The following MARCHF8 variants were observed in gnomAD, a reference collection of about 807,000 sequenced individuals.
MARCHF8 encodes membrane associated ring-CH-type finger 8, also known as E3 ubiquitin-protein ligase MARCHF8.
MARCHF8 carries 40 observed loss-of-function variants against 51.6 expected under a neutral mutation model. That is an observed-to-expected ratio of 0.77 (90% CI 0.60 to 1.01). MARCHF8 has a LOEUF of 1.01. Among genes scored for constraint, MARCHF8 ranks in the 50% least tolerant of loss-of-function variants. MARCHF8 has a pLI of 0.00. For missense variants in MARCHF8, 685 were observed against 708.6 expected (o/e 0.97, Z 0.38); for synonymous variants, 263 against 280.3 (o/e 0.94, Z 0.62).
chr10:45,480,406 G>C (rs761669449), intron 3 of MARCHF8, among the ~76,000 whole-genome samples: 2 of 152,114 alleles, frequency 1.3e-5, no homozygotes, highest in Non-Finnish European at 2.9e-5. Flanking sequence ...CTCAATGGGG[G>C]AAAATGTCTC....
intron 3 of MARCHF8, among the ~76,000 whole-genome samples, chr10:45,481,994 A>C (rs1176879642): frequency 6.6e-6 from 1 of 152,232 alleles, no homozygotes; most frequent in Non-Finnish European, 1.5e-5. Context: ...TAAACATACA[A>C]AAGTTGATAG....
chr10:45,512,683 G>A (rs1023394236), intron 2 of MARCHF8, among the ~76,000 whole-genome samples: 4 of 152,078 alleles, frequency 2.6e-5, no homozygotes, highest in African/African-American at 4.8e-5. Context: ...ACTGGGATGT[G>A]AGGAGCCCCT....
In MARCHF8 at chr10:45,463,557, C is replaced by A; in HGVS notation, c.682G>T (p.Ala228Ser). 1 of 1,550,654 alleles carries A rather than the reference C, an allele frequency of 6.4e-7. No homozygotes were observed. The change falls in exon 5 of 8, where the codon GCC (alanine) becomes TCC (serine). Residue 228 changes from alanine (A) to serine (S), a missense_variant. Coordinates refer to ENST00000453424, the MANE Select transcript of MARCHF8 (RefSeq NM_001282866.2). ...CCCTTGCCAGCTTCCACCTCTGAGG[C>A]AGTTGAGCGACCGGCAGAAAGGCAT... ...VSCLSAGRST[A>S]SEVEAGKGGR...
intron 2 of MARCHF8, among the ~76,000 whole-genome samples, chr10:45,505,598 G>A (rs1475337398): frequency 2.0e-5 from 3 of 152,162 alleles, no homozygotes; most frequent in Non-Finnish European, 4.4e-5. Context: ...AACATTAATT[G>A]CTTTAGGCCA....
chr10:45,506,613 T>G (rs2043390653), intron 2 of MARCHF8, among the ~76,000 whole-genome samples: 1 of 152,230 alleles, frequency 6.6e-6, no homozygotes, highest in Non-Finnish European at 1.5e-5. Flanking sequence ...CTGATCTCAT[T>G]TCTAAGTAAG....
At chr10:45,556,501 C>T (rs945882534) in intron 1 of MARCHF8, among the ~76,000 whole-genome samples, 14 of 152,310 alleles carry the variant, frequency 9.2e-5, no homozygotes, top group African/African-American at 3.1e-4. Flanking sequence ...AGGCGGTTCA[C>T]GGTATTCTTC....
chr10:45,557,626 T>C (rs2044267105), intron 1 of MARCHF8, among the ~76,000 whole-genome samples: 1 of 152,170 alleles, frequency 6.6e-6, no homozygotes, highest in Non-Finnish European at 1.5e-5. Flanking sequence ...CAGAAGACCA[T>C]ACGACCTCCT....
intron 2 of MARCHF8, among the ~76,000 whole-genome samples, chr10:45,525,728 A>G (rs1002520233): frequency 6.6e-6 from 1 of 152,218 alleles, no homozygotes; most frequent in Non-Finnish European, 1.5e-5. Flanking sequence ...ATCTGTTGTG[A>G]TGAACTGGTA....
chr10:45,581,150 T>G (rs1431960830), intron 1 of MARCHF8, among the ~76,000 whole-genome samples: 1 of 152,106 alleles, frequency 6.6e-6, no homozygotes, highest in African/African-American at 2.4e-5. Flanking sequence ...CCAGGGGATT[T>G]TGCCAGTGTC....
chr10:45,506,332 T>C (rs1297801922), intron 2 of MARCHF8, among the ~76,000 whole-genome samples: 2 of 152,236 alleles, frequency 1.3e-5, no homozygotes, highest in Non-Finnish European at 2.9e-5. Context: ...AGTATAAGCA[T>C]AGACTTTTAT....
At chr10:45,524,569 G>C (rs2043760858) in intron 2 of MARCHF8, among the ~76,000 whole-genome samples, 1 of 152,086 alleles carries the variant, frequency 6.6e-6, no homozygotes, top group Non-Finnish European at 1.5e-5. Context: ...TCTGCAACAG[G>C]TTTATTTTAA....
At chr10:45,492,748 C>T (rs1424721649) in intron 2 of MARCHF8, among the ~76,000 whole-genome samples, 4 of 152,216 alleles carry the variant, frequency 2.6e-5, no homozygotes, top group Non-Finnish European at 5.9e-5. Context: ...TATGTGTGAA[C>T]AACTGTGTCA....
intron 2 of MARCHF8, among the ~76,000 whole-genome samples, chr10:45,504,744 T>C (rs1442002879): frequency 2.6e-5 from 4 of 152,228 alleles, no homozygotes; most frequent in Non-Finnish European, 2.9e-5. Flanking sequence ...AAGAGGATAC[T>C]AATGACTATA....
At chr10:45,500,671 A>T (rs1225583595) in intron 2 of MARCHF8, among the ~76,000 whole-genome samples, 1 of 152,106 alleles carries the variant, frequency 6.6e-6, no homozygotes, top group Non-Finnish European at 1.5e-5. Context: ...TCTAGCCACC[A>T]CAATTAGGAA....
At position 45,461,311 on chromosome 10, in the gene MARCHF8, T is replaced by A; in HGVS notation, c.1189A>T (p.Ile397Phe). Residue 397 changes from isoleucine (I) to phenylalanine (F), a missense_variant, in exon 6 of 8, where the codon ATC becomes TTC. Physicochemically the swap from Ile to Phe is conservative, Grantham distance 21. Transcript: ENST00000453424. ...FVHQACLQQW[I>F]KSSDTRCCEL... ...CAGCAGCGCGTGTCGGAGCTCTTGA[T>A]CCACTGCTGCAGGCAGGCCTGGTGC... 6.2e-7 allele frequency: 1 copy of A among 1,607,382 alleles called. No homozygotes were observed. Among genetic ancestry groups the A allele is most frequent in the Non-Finnish European group, 8.5e-7 (1 of 1,177,260 alleles).
At chr10:45,465,544 A>C (rs1842940131) in intron 3 of MARCHF8, among the ~76,000 whole-genome samples, 1 of 152,182 alleles carries the variant, frequency 6.6e-6, no homozygotes, top group African/African-American at 2.4e-5. Flanking sequence ...CAGAACAGAT[A>C]AGGCCATTGC....
intron 1 of MARCHF8, among the ~76,000 whole-genome samples, chr10:45,582,171 A>AT (rs1371536851): frequency 1.3e-5 from 2 of 152,112 alleles, no homozygotes; most frequent in South Asian, 2.1e-4. Context: ...CTAAAGCATC[A>AT]TTTTGCCTAT....
chr10:45,508,640 G>A (rs962732123), intron 2 of MARCHF8, among the ~76,000 whole-genome samples: 1 of 152,072 alleles, frequency 6.6e-6, no homozygotes, highest in African/African-American at 2.4e-5. Context: ...CAGAAGCTTA[G>A]GACCCACTCC....
At chr10:45,561,368 G>A (rs1321424664) in intron 1 of MARCHF8, among the ~76,000 whole-genome samples, 1 of 149,762 alleles carries the variant, frequency 6.7e-6, no homozygotes, top group Non-Finnish European at 1.5e-5. Flanking sequence ...TCCATCTCCT[G>A]AGCTCAAGCA....
Sources: gnomAD v4.1 joint callset for allele counts (sites outside exome capture counted in the v4.1 genomes callset) on GRCh38, gnomAD v4.1.1 for gene constraint, MANE v1.5 for transcripts, NCBI Gene and HGNC (gene_info 2026-07-23, HGNC 2026-07-21) for gene names.